The following DYM variants were observed in gnomAD, a reference collection of about 807,000 sequenced individuals.
DYM encodes dyggve-Melchior-Clausen syndrome protein.
DYM carries 78 observed loss-of-function variants against 93.1 expected under a neutral mutation model. The ratio of observed to expected loss-of-function variants is 0.84; its 90% CI spans 0.70 to 1.01. The LOEUF is 1.01. Among genes scored for constraint, DYM ranks in the 50% least tolerant of loss-of-function variants. The pLI is 0.00. For synonymous variants in DYM, 321 were observed against 319.7 expected, an observed-to-expected ratio of 1.00 and a Z score of -0.04; for missense variants, 789 against 845.0, an observed-to-expected ratio of 0.93 and a Z score of 0.82.
chr18:49,419,989 A>G (rs1203686588), intron 2 of DYM, among the ~76,000 whole-genome samples: 1 of 152,212 alleles, frequency 6.6e-6, no homozygotes, highest in Non-Finnish European at 1.5e-5. Context: ...GCAAGGATTA[A>G]GGAAATGATT....
intron 15 of DYM, among the ~76,000 whole-genome samples, chr18:49,147,730 T>C (rs553783886): frequency 9.9e-5 from 15 of 152,068 alleles, no homozygotes; most frequent in African/African-American, 2.4e-4. Flanking sequence ...TAGGAACACT[T>C]TTACACTGTT....
At chr18:49,063,515 A>G (rs1329563759) in intron 17 of DYM, among the ~76,000 whole-genome samples, 2 of 151,998 alleles carry the variant, frequency 1.3e-5, no homozygotes, top group African/African-American at 2.4e-5. Context: ...AGCCACAACC[A>G]TACAACAAGG....
intron 1 of DYM, 48 bp from the exon 2 acceptor site, chr18:49,430,495 T>G: frequency 7.1e-7 from 1 of 1,403,182 alleles, no homozygotes; most frequent in South Asian, 1.2e-5. Context: ...AAAGTCATCA[T>G]GCTTTGTCTA....
intron 14 of DYM, among the ~76,000 whole-genome samples, chr18:49,187,809 C>T (rs78942143): frequency 0.014 from 2,151 of 152,174 alleles, 53 homozygotes; most frequent in African/African-American, 0.049. Flanking sequence ...AGACTATCAC[C>T]TACAGAACCA....
intron 11 of DYM, among the ~76,000 whole-genome samples, chr18:49,269,544 C>T (rs572202877): frequency 1.3e-5 from 2 of 152,312 alleles, no homozygotes; most frequent in Admixed American, 6.5e-5. Context: ...AAGACAGACA[C>T]AGCCAGAGAG....
chr18:49,220,794 T>C (rs2093318904), intron 13 of DYM, among the ~76,000 whole-genome samples: 1 of 152,148 alleles, frequency 6.6e-6, no homozygotes, highest in Admixed American at 6.5e-5. Context: ...CCTAAAACCA[T>C]AAAAACCCTA....
At chr18:49,371,317 T>A (rs1194004352) in intron 5 of DYM, among the ~76,000 whole-genome samples, 1 of 152,104 alleles carries the variant, frequency 6.6e-6, no homozygotes, top group Non-Finnish European at 1.5e-5. Context: ...CTGGGCAACA[T>A]AGTGAGACCC....
intron 6 of DYM, among the ~76,000 whole-genome samples, chr18:49,360,231 T>C (rs2065900358): frequency 6.8e-6 from 1 of 146,902 alleles, no homozygotes; most frequent in South Asian, 2.1e-4. Flanking sequence ...TCACCCTGAA[T>C]GTCACCAAAA....
intron 14 of DYM, among the ~76,000 whole-genome samples, chr18:49,183,231 C>G (rs533204449): frequency 6.6e-6 from 1 of 151,960 alleles, no homozygotes; most frequent in Non-Finnish European, 1.5e-5. Flanking sequence ...CACAACTAGT[C>G]TCTTATTGTA....
chr18:49,289,324 C>T (rs2059866778), intron 8 of DYM, among the ~76,000 whole-genome samples: 1 of 131,102 alleles, frequency 7.6e-6, no homozygotes, highest in African/African-American at 2.9e-5. Context: ...TAAAACACAT[C>T]ACAAAGACAA....
At chr18:49,312,302 G>A (rs1193039924) in intron 8 of DYM, among the ~76,000 whole-genome samples, 1 of 152,166 alleles carries the variant, frequency 6.6e-6, no homozygotes, top group Admixed American at 6.5e-5. Context: ...TCCTCAGACC[G>A]GATTGAGAAC....
intron 17 of DYM, among the ~76,000 whole-genome samples, chr18:49,046,436 AAC>A (rs2071567957): frequency 2.0e-5 from 3 of 150,578 alleles, no homozygotes; most frequent in South Asian, 2.1e-4. Context: ...ATACATACAA[AAC>A]AGATACCCAC....
chr18:49,224,281 T>G (rs911979665), intron 13 of DYM, among the ~76,000 whole-genome samples: 2 of 152,046 alleles, frequency 1.3e-5, no homozygotes, highest in African/African-American at 4.8e-5. Flanking sequence ...ATGCTGAGTT[T>G]GAGATGTCTC....
At chr18:49,164,213 T>C (rs1350751900) in intron 14 of DYM, among the ~76,000 whole-genome samples, 5 of 152,168 alleles carry the variant, frequency 3.3e-5, no homozygotes, top group South Asian at 2.1e-4. Flanking sequence ...ACAGAGTCTA[T>C]GGTTCTGTAT....
chr18:49,070,144 T>C (rs948536929), intron 17 of DYM, among the ~76,000 whole-genome samples: 6 of 152,222 alleles, frequency 3.9e-5, no homozygotes, highest in African/African-American at 1.4e-4. Flanking sequence ...CTCCGAGCCA[T>C]CCATTTTGAT....
chr18:49,065,144 T>A (rs2076288960), intron 17 of DYM, among the ~76,000 whole-genome samples: 1 of 152,128 alleles, frequency 6.6e-6, no homozygotes, highest in African/African-American at 2.4e-5. Flanking sequence ...CACAGACAAA[T>A]CACAAGCTTG....
intron 8 of DYM, chr18:49,321,427 C>T (rs2062473412): frequency 2.5e-6 from 1 of 397,964 alleles, no homozygotes; most frequent in Middle Eastern, 6.3e-4. Context: ...ATTCCCAAAG[C>T]CAATCCTGGG....
intron 2 of DYM, among the ~76,000 whole-genome samples, chr18:49,424,291 A>G (rs1314037418): frequency 6.6e-6 from 1 of 152,198 alleles, no homozygotes; most frequent in Admixed American, 6.5e-5. Flanking sequence ...AACCAAGGAC[A>G]AAAACCACAT....
chr18:49,174,797 T>C (rs2089195812), intron 14 of DYM, among the ~76,000 whole-genome samples: 1 of 151,984 alleles, frequency 6.6e-6, no homozygotes, highest in Non-Finnish European at 1.5e-5. Context: ...AGAAAACCCA[T>C]GTGCAAGAAG....
Sources: gnomAD v4.1 joint callset for allele counts (sites outside exome capture counted in the v4.1 genomes callset) on GRCh38, gnomAD v4.1.1 for gene constraint, MANE v1.5 for transcripts, NCBI Gene and HGNC (gene_info 2026-07-23, HGNC 2026-07-21) for gene names.